ZNF385D: variants seen among roughly 807,000 people sequenced by gnomAD.
ZNF385D encodes the protein zinc finger protein 385D, also known as zinc finger protein 659.
Under a neutral mutation model 35.8 loss-of-function variants are expected in ZNF385D, and 15 were observed. That is an observed-to-expected ratio of 0.42 (90% CI 0.28 to 0.64). ZNF385D has a LOEUF of 0.64. Ranked by LOEUF, ZNF385D falls within the 30% of genes least tolerant of loss-of-function variation. ZNF385D has a pLI of 0.23. For missense variants in ZNF385D, 474 were observed against 494.6 expected (o/e 0.96, Z 0.39); for synonymous variants, 212 against 186.8 (o/e 1.13, Z -1.10).
At chr3:22,135,611 G>C (rs1704055250) in intron 3 of ZNF385D, among the ~76,000 whole-genome samples, 2 of 152,120 alleles carry the variant, frequency 1.3e-5, no homozygotes, top group Admixed American at 1.3e-4. Context: ...AATCTTTGTA[G>C]ATTTAATAAG....
chr3:22,066,320 A>ATGTGTGTGTGTG lies in ZNF385D; in HGVS notation c.325+102496_325+102497insCACACACACACA, dbSNP rs10627613. Among the ~76,000 whole-genome samples, 70 of 149,304 alleles carry ATGTGTGTGTGTG rather than the reference A, an allele frequency of 4.7e-4. No individual in the cohort carries two copies. In the East Asian group the frequency reaches 7.8e-3, roughly 17 times the overall value. The stretch of plus-strand genomic sequence containing the variant: ...GTAGCTAAGGAGTGTGTGTGTGTGT[A>ATGTGTGTGTGTG]TGTGTGTGTATTAGTAAAAAGATAC... On this transcript the variant is annotated intron_variant, in intron 3 of 5. Transcript: ENST00000494108.
intron 3 of ZNF385D, among the ~76,000 whole-genome samples, chr3:22,087,402 GA>G (rs1311254336): frequency 2.0e-5 from 3 of 152,026 alleles, no homozygotes; most frequent in African/African-American, 7.2e-5. Flanking sequence ...ATATGTTATG[GA>G]ACTATGTTCT....
chr3:21,540,870 C>A (rs2062157516), intron 3 of ZNF385D, among the ~76,000 whole-genome samples: 1 of 152,140 alleles, frequency 6.6e-6, no homozygotes, highest in Non-Finnish European at 1.5e-5. Context: ...TCTTCAACTC[C>A]CTCCTCACGA....
At chr3:22,101,309 T>G (rs1416935543) in intron 3 of ZNF385D, among the ~76,000 whole-genome samples, 2 of 151,998 alleles carry the variant, frequency 1.3e-5, no homozygotes, top group African/African-American at 4.8e-5. Context: ...TTTATGTAGA[T>G]AGAGAGATAG....
chr3:22,068,610 G>C (rs1317225499), intron 3 of ZNF385D, among the ~76,000 whole-genome samples: 1 of 152,128 alleles, frequency 6.6e-6, no homozygotes, highest in Admixed American at 6.6e-5. Context: ...TCCACACTCT[G>C]TCTATTTAGT....
intron 2 of ZNF385D, among the ~76,000 whole-genome samples, chr3:22,300,910 T>C (rs1251072125): frequency 6.6e-6 from 1 of 152,052 alleles, no homozygotes; most frequent in Non-Finnish European, 1.5e-5. Context: ...AGAACTACCA[T>C]ATGCTCCTCC....
intron 1 of ZNF385D, among the ~76,000 whole-genome samples, chr3:21,720,035 C>T (rs561336132): frequency 2.6e-5 from 4 of 152,206 alleles, no homozygotes; most frequent in Admixed American, 6.5e-5. Flanking sequence ...AACTTAGCTG[C>T]GCACTAGAAT....
chr3:21,433,068 T>C (rs1013769330), intron 5 of ZNF385D, among the ~76,000 whole-genome samples: 3 of 152,194 alleles, frequency 2.0e-5, no homozygotes, highest in Non-Finnish European at 4.4e-5. Context: ...GACAGATATA[T>C]ACAAAGGCCC....
chr3:21,556,068 G>GTTTTTT (rs148079775), intron 3 of ZNF385D, among the ~76,000 whole-genome samples: 644 of 98,704 alleles, frequency 6.5e-3, no homozygotes, highest in Middle Eastern at 0.021. Flanking sequence ...TTTTGTTTTT[G>GTTTTTT]TTTTTTTTTT....
In ZNF385D at chr3:21,664,894, A is replaced by C; in HGVS notation, c.157T>G (p.Phe53Val). Residue 53 changes from phenylalanine (F) to valine (V), a missense_variant, in exon 2 of 8, where the codon TTC (phenylalanine) becomes GTC (valine). Phe to Val is a conservative substitution (Grantham distance 50). Coordinates refer to ENST00000281523, the MANE Select transcript of ZNF385D (RefSeq NM_024697.3). ...ATTTGGCAGGTACTTACCGCATTGA[A>C]ATTGGGGAAGAGGTTGACTGCAGCT... The part of the protein sequence containing the change: ...TAAAVNLFPN[F>V]NAMDPIQKAV... 4 of 1,613,646 alleles carry C rather than the reference A, an allele frequency of 2.5e-6. No homozygotes were observed. Among genetic ancestry groups the C allele is most frequent in the Non-Finnish European group, 3.4e-6 (4 of 1,179,676 alleles).
At chr3:22,243,274 G>A (rs1699593828) in intron 2 of ZNF385D, among the ~76,000 whole-genome samples, 1 of 150,982 alleles carries the variant, frequency 6.6e-6, no homozygotes, top group African/African-American at 2.5e-5. Context: ...ATGAAAAGAT[G>A]TTCAAATCCT....
rs1347412354 is a variant in ZNF385D, at chr3:21,564,513, C to A, written c.276+61G>T. 9 of 1,059,382 alleles carry A rather than the reference C, an allele frequency of 8.5e-6. No homozygotes were observed. In the Admixed American group the frequency reaches 2.5e-4, roughly 30 times the overall value. The allele number at this position is 1,059,382 out of a possible 1,614,324, so 65.6% of individuals were successfully genotyped here. ...ATGTCTTAAGAAATCTTTTCTCCTG[C>A]AAGATTAGAACAGCAAAATGTATTT... On this transcript the variant is annotated intron_variant, in intron 3 of 7. Coordinates refer to ENST00000281523, the MANE Select transcript of ZNF385D (RefSeq NM_024697.3).
chr3:21,863,549 C>G (rs1382109875), intron 3 of ZNF385D, among the ~76,000 whole-genome samples: 4 of 152,048 alleles, frequency 2.6e-5, no homozygotes, highest in African/African-American at 9.7e-5. Context: ...AGGTTTTAAA[C>G]CTATGTTTCC....
intron 1 of ZNF385D, among the ~76,000 whole-genome samples, chr3:21,699,702 ATT>A (rs1444289261): frequency 1.3e-5 from 2 of 152,030 alleles, no homozygotes; most frequent in African/African-American, 4.8e-5. Flanking sequence ...TTGATATATT[ATT>A]AAGTAAAATA....
intron 2 of ZNF385D, among the ~76,000 whole-genome samples, chr3:22,340,223 TTGCCACTTTGAAA>T (rs1195017927): frequency 6.6e-6 from 1 of 152,194 alleles, no homozygotes; most frequent in African/African-American, 2.4e-5. Context: ...GCCTGTTAAA[TTGCCACTTTGAAA>T]TAAATGTTTG....
intron 3 of ZNF385D, among the ~76,000 whole-genome samples, chr3:21,977,759 C>T (rs1316067343): frequency 4.0e-5 from 6 of 151,838 alleles, no homozygotes; most frequent in African/African-American, 1.5e-4. Context: ...TCGCTTGAGC[C>T]CAGCAATTGG....
intron 2 of ZNF385D, among the ~76,000 whole-genome samples, chr3:22,332,989 A>C (rs1695007146): frequency 6.6e-6 from 1 of 152,044 alleles, no homozygotes; most frequent in African/African-American, 2.4e-5. Flanking sequence ...CTTTCAGAGA[A>C]GGCCTGCTGG....
intron 3 of ZNF385D, among the ~76,000 whole-genome samples, chr3:21,966,346 T>G (rs1470447450): frequency 6.6e-6 from 1 of 152,202 alleles, no homozygotes; most frequent in African/African-American, 2.4e-5. Context: ...ATTTTAAAGC[T>G]AAGGAACTAA....
intron 3 of ZNF385D, among the ~76,000 whole-genome samples, chr3:22,092,791 A>G (rs779344791): frequency 1.3e-5 from 2 of 152,148 alleles, no homozygotes; most frequent in Non-Finnish European, 2.9e-5. Context: ...CCTGACTGAT[A>G]TACCTCTTAC....
Sources: gnomAD v4.1 joint callset for allele counts (sites outside exome capture counted in the v4.1 genomes callset) on GRCh38, gnomAD v4.1.1 for gene constraint, MANE v1.5 for transcripts, NCBI Gene and HGNC (gene_info 2026-07-23, HGNC 2026-07-21) for gene names.